Variants in CEP57 observed in about 807,000 individuals in gnomAD.
CEP57 encodes centrosomal protein 57, also known as centrosomal protein of 57 kDa.
In CEP57, 40 loss-of-function variants were observed where a neutral mutation model predicts 68.0. The ratio of observed to expected loss-of-function variants is 0.59; its 90% confidence interval spans 0.46 to 0.77. The LOEUF (loss-of-function observed/expected upper bound fraction) is 0.77, where lower values mean the gene tolerates loss of function less well. Among genes scored for constraint, CEP57 ranks in the 30% least tolerant of loss-of-function variants. The pLI is 0.00. For missense variants in CEP57, 606 were observed against 580.7 expected, an observed-to-expected ratio of 1.04 and a Z score of -0.45; for synonymous variants, 219 against 198.7, an observed-to-expected ratio of 1.10 and a Z score of -0.86.
intron 9 of CEP57, 118 bp from the exon 10 acceptor site, chr11:95,829,069 G>T (rs1028461396): frequency 4.9e-5 from 50 of 1,030,236 alleles, no homozygotes; most frequent in Non-Finnish European, 6.7e-5. Context: ...TTATTGCTCT[G>T]TTCAAAAAAT....
Position 95,828,040 on chromosome 11 carries a change from T to G in CEP57, c.1127+13T>G, listed in dbSNP as rs1479236939. On this transcript the variant is annotated intron_variant, in intron 9 of 10. Transcript: ENST00000325542. ...GGCAAATGAGCTTGTGAGTTTTTGT[T>G]TTTTTTTTTAAATTCAGTTTAGCTC... 1.9e-6 allele frequency: 3 copies of G among 1,600,784 alleles called. No individual in the cohort carries two copies. Among genetic ancestry groups the G allele is most frequent in the Non-Finnish European group, 2.6e-6 (3 of 1,171,514 alleles).
intron 3 of CEP57, 118 bp downstream of exon 3, chr11:95,813,229 CATTGT>C: frequency 8.9e-7 from 1 of 1,124,248 alleles, no homozygotes; most frequent in Non-Finnish European, 1.3e-6. Context: ...TACAAAACTG[CATTGT>C]ATTCTGGTGC....
At chr11:95,822,095 A>G (rs770564750) in intron 7 of CEP57, 117 bp downstream of exon 7, 3 of 756,192 alleles carry the variant, frequency 4.0e-6, no homozygotes, top group African/African-American at 3.5e-5. Context: ...TTCATTCTCA[A>G]TTTCTTCATT....
chr11:95,822,300 CT>C (rs574231290), intron 7 of CEP57, 198 bp from the exon 8 acceptor site: 16 of 595,116 alleles, frequency 2.7e-5, no homozygotes, highest in East Asian at 8.5e-5. Flanking sequence ...TTGTCAAGTG[CT>C]TTTTTCCCCC....
chr11:95,831,288 A>G lies in CEP57; in HGVS notation c.*32A>G, dbSNP rs746476764. ...ACCAGGTCAGAAATTTTATTCAGAT[A>G]ATCTGTACCTCATCAATCAGATGAT... On this transcript the variant is annotated 3_prime_UTR_variant, in exon 11 of 11. Coordinates refer to ENST00000325542, the MANE Select transcript of CEP57 (RefSeq NM_014679.5). 7.1e-7 allele frequency: 1 copy of G among 1,410,020 alleles called. No individual in the cohort carries two copies. Among genetic ancestry groups the G allele is most frequent in the South Asian group, 1.2e-5 (1 of 85,764 alleles). The allele number at this position is 1,410,020 out of a possible 1,614,324, so 87.3% of individuals were successfully genotyped here. A position where few individuals can be genotyped will look rare whatever the true frequency, so the allele number is the denominator to read the frequency against.
chr11:95,799,127 C>G, intron 1 of CEP57, 105 bp from the exon 2 acceptor site: 1 of 1,119,804 alleles, frequency 8.9e-7, no homozygotes, highest in Non-Finnish European at 1.3e-6. Flanking sequence ...TGGATTTTTT[C>G]TGTTGTCTGT....
upstream of CEP57, chr11:95,790,358 C>T (rs935651314): frequency 6.8e-6 from 3 of 438,748 alleles, no homozygotes; most frequent in African/African-American, 5.9e-5. Flanking sequence ...CGGCCTGTAA[C>T]CCCGGCGTTG....
chr11:95,804,421 G>C (rs776757497), intron 2 of CEP57, among the ~76,000 whole-genome samples: 2 of 152,204 alleles, frequency 1.3e-5, no homozygotes, highest in Non-Finnish European at 2.9e-5. Context: ...TTAGGTATAA[G>C]CCTTAAATGT....
Position 95,832,534 on chromosome 11 carries a change from T to C in CEP57, c.*1278T>C, listed in dbSNP as rs1187071227. 2 of 152,192 alleles carry C rather than the reference T, an allele frequency of 1.3e-5. No homozygotes were observed. The highest frequency in any genetic ancestry group is 2.9e-5 in the Non-Finnish European group (2 of 68,038). The allele number at this position is 152,192 out of a possible 1,614,324, so 9.4% of individuals were successfully genotyped here. A position where few individuals can be genotyped will look rare whatever the true frequency, so the allele number is the denominator to read the frequency against. On this transcript the variant is annotated 3_prime_UTR_variant, in exon 11 of 11. Coordinates refer to ENST00000325542, the MANE Select transcript of CEP57 (RefSeq NM_014679.5). The stretch of plus-strand genomic sequence containing the variant: ...TCTAATGAGTAGGTTCGTAGCTTGA[T>C]TGAATTAATAATTGTGAGCCCATAG...
intron 4 of CEP57, among the ~76,000 whole-genome samples, chr11:95,816,478 A>C (rs780420328): frequency 3.3e-5 from 5 of 152,154 alleles, no homozygotes; most frequent in Non-Finnish European, 5.9e-5. Context: ...GGCTGGAGAA[A>C]GGGGTCAGTT....
intron 2 of CEP57, among the ~76,000 whole-genome samples, chr11:95,807,401 C>G (rs2097080): frequency 6.6e-6 from 1 of 151,952 alleles, no homozygotes; most frequent in Non-Finnish European, 1.5e-5. Flanking sequence ...TTCAAACGAT[C>G]GGTGATAACA....
At chr11:95,810,759 A>G (rs894791604) in intron 2 of CEP57, among the ~76,000 whole-genome samples, 2 of 152,254 alleles carry the variant, frequency 1.3e-5, no homozygotes, top group African/African-American at 2.4e-5. Flanking sequence ...TATCGTGGAA[A>G]TAGCCATACT....
chr11:95,806,541 A>G (rs900714144), intron 2 of CEP57, among the ~76,000 whole-genome samples: 1 of 152,124 alleles, frequency 6.6e-6, no homozygotes, highest in Non-Finnish European at 1.5e-5. Flanking sequence ...TGCTTTTCCA[A>G]TGGTCTTAGC....
At chr11:95,812,850 A>G in intron 2 of CEP57, 82 bp from the exon 3 acceptor site, 2 of 1,258,946 alleles carry the variant, frequency 1.6e-6, no homozygotes, top group East Asian at 2.3e-5. Context: ...TTTATTTTTT[A>G]TTTAGATGAG....
intron 2 of CEP57, among the ~76,000 whole-genome samples, chr11:95,806,663 G>A (rs868138570): frequency 1.3e-5 from 2 of 152,208 alleles, no homozygotes; most frequent in African/African-American, 4.8e-5. Flanking sequence ...AGGCTGCAGC[G>A]AGGCTGGGGG....
At chr11:95,830,911 TTTCAGTTAGCATGA>T in intron 10 of CEP57, 101 bp from the exon 11 acceptor site, 4 of 625,600 alleles carry the variant, frequency 6.4e-6, no homozygotes, top group South Asian at 1.7e-5. Flanking sequence ...ATGTATTATT[TTTCAGTTAGCATGA>T]GAGTTAACCA....
intron 1 of CEP57, among the ~76,000 whole-genome samples, chr11:95,791,922 AAAG>A (rs752939440): frequency 1.3e-5 from 2 of 152,200 alleles, no homozygotes; most frequent in Non-Finnish European, 2.9e-5. Flanking sequence ...AAACGTGAAA[AAAG>A]AAGGATGGTG....
intron 4 of CEP57, chr11:95,815,150 T>TA (rs1403820269): frequency 1.3e-5 from 2 of 152,260 alleles, no homozygotes; most frequent in Non-Finnish European, 2.9e-5. Flanking sequence ...AACACACAGA[T>TA]ACAGAGGGCT....
chr11:95,805,546 G>A (rs1159902453), intron 2 of CEP57, among the ~76,000 whole-genome samples: 1 of 152,152 alleles, frequency 6.6e-6, no homozygotes, highest in South Asian at 2.1e-4. Flanking sequence ...GTTAATAAAT[G>A]GACAAGAATA....
Sources: gnomAD v4.1 joint callset for allele counts (sites outside exome capture counted in the v4.1 genomes callset) on GRCh38, gnomAD v4.1.1 for gene constraint, MANE v1.5 for transcripts, NCBI Gene and HGNC (gene_info 2026-07-23, HGNC 2026-07-21) for gene names.